LPP: variants seen among roughly 807,000 people sequenced by gnomAD.
LPP encodes the protein LIM domain containing preferred translocation partner in lipoma.
A neutral mutation model predicts 60.4 loss-of-function variants in LPP; 38 were observed. That is an observed-to-expected ratio of 0.63 (90% CI 0.49 to 0.83). The LOEUF is 0.83. Ranked by LOEUF, LPP falls within the 40% of genes least tolerant of loss-of-function variation. The pLI is 0.00. For synonymous variants in LPP, 328 were observed against 290.8 expected, an observed-to-expected ratio of 1.13 and a Z score of -1.30; for missense variants, 902 against 783.6, an observed-to-expected ratio of 1.15 and a Z score of -1.80.
At chr3:188,473,241 C>T (rs771420047) in intron 4 of LPP, among the ~76,000 whole-genome samples, 2 of 152,160 alleles carry the variant, frequency 1.3e-5, no homozygotes, top group African/African-American at 4.8e-5. Context: ...TCTTACATAA[C>T]CACGGTAGAG....
chr3:188,558,858 A>G (rs1830057340), intron 6 of LPP, among the ~76,000 whole-genome samples: 1 of 152,088 alleles, frequency 6.6e-6, no homozygotes, highest in Admixed American at 6.6e-5. Context: ...ATTTCTGCCT[A>G]CCAAGAAATG....
chr3:188,314,080 T>C (rs1329453106), intron 2 of LPP, among the ~76,000 whole-genome samples: 2 of 152,186 alleles, frequency 1.3e-5, no homozygotes, highest in African/African-American at 2.4e-5. Flanking sequence ...TATCCTTTCT[T>C]TCCAATTTTT....
chr3:188,616,052 T>C (rs1347776430), intron 7 of LPP, among the ~76,000 whole-genome samples: 1 of 152,186 alleles, frequency 6.6e-6, no homozygotes, highest in Non-Finnish European at 1.5e-5. Context: ...TTCACTCTGA[T>C]GATAGTTTCT....
intron 8 of LPP, chr3:188,725,325 C>A (rs963636404): frequency 6.6e-6 from 1 of 152,198 alleles, no homozygotes; most frequent in South Asian, 2.1e-4. Context: ...CAAGTGCGTG[C>A]AGCCCGTTCC....
intron 2 of LPP, among the ~76,000 whole-genome samples, chr3:188,249,248 A>G (rs938419273): frequency 1.4e-4 from 22 of 152,060 alleles, no homozygotes; most frequent in African/African-American, 5.1e-4. Flanking sequence ...AAATTTAAAC[A>G]TTAGCTGGCA....
At chr3:188,658,231 C>A (rs1349888333) in intron 7 of LPP, among the ~76,000 whole-genome samples, 1 of 150,382 alleles carries the variant, frequency 6.6e-6, no homozygotes, top group East Asian at 1.9e-4. Flanking sequence ...GCAACCTCTG[C>A]CTCCCAGGTT....
At chr3:188,358,695 T>C (rs1227636828) in intron 3 of LPP, among the ~76,000 whole-genome samples, 3 of 149,436 alleles carry the variant, frequency 2.0e-5, no homozygotes, top group East Asian at 2.0e-4. Flanking sequence ...AAGTGGGGAG[T>C]GGAGAGGGTT....
At chr3:188,288,580 G>GCA (rs71167088) in intron 2 of LPP, among the ~76,000 whole-genome samples, 11,961 of 150,388 alleles carry the variant, frequency 0.08, 744 homozygotes, top group African/African-American at 0.17. Context: ...ATGTACACGT[G>GCA]CACACACACA....
chr3:188,321,812 A>G (rs1229255947), intron 2 of LPP, among the ~76,000 whole-genome samples: 1 of 152,248 alleles, frequency 6.6e-6, no homozygotes, highest in Non-Finnish European at 1.5e-5. Context: ...GTTGAAAACC[A>G]AAATAACTTT....
chr3:188,754,429 T>A (rs1341317132), intron 8 of LPP, among the ~76,000 whole-genome samples: 1 of 152,180 alleles, frequency 6.6e-6, no homozygotes, highest in Non-Finnish European at 1.5e-5. Context: ...AGCCAACTCG[T>A]GGTTGAGCAG....
intron 9 of LPP, among the ~76,000 whole-genome samples, chr3:188,840,715 G>A (rs968492124): frequency 5.3e-5 from 8 of 152,022 alleles, no homozygotes; most frequent in African/African-American, 1.9e-4. Context: ...GCCCAGCCTG[G>A]TTTTGAACTC....
intron 1 of LPP, among the ~76,000 whole-genome samples, chr3:188,161,817 G>A (rs1001940036): frequency 9.9e-5 from 15 of 152,150 alleles, no homozygotes; most frequent in Admixed American, 1.3e-4. Flanking sequence ...TGAAACTTGC[G>A]CTTCATACTT....
chr3:188,869,205 G>A (rs187629682), intron 10 of LPP, among the ~76,000 whole-genome samples: 2 of 152,338 alleles, frequency 1.3e-5, no homozygotes, highest in African/African-American at 4.8e-5. Flanking sequence ...CAGCCTGGGA[G>A]TAGAGATTAC....
chr3:188,651,407 A>G (rs1852050165), intron 7 of LPP, among the ~76,000 whole-genome samples: 1 of 152,180 alleles, frequency 6.6e-6, no homozygotes. Flanking sequence ...AGAAACTTAA[A>G]CTATGTTTGA....
chr3:188,193,775 T>C (rs1405406709), intron 1 of LPP, among the ~76,000 whole-genome samples: 1 of 151,434 alleles, frequency 6.6e-6, no homozygotes, highest in Admixed American at 6.6e-5. Flanking sequence ...TAGGATAGAG[T>C]TTGGGTTAAA....
At chr3:188,677,566 CTG>C (rs930073357) in intron 7 of LPP, among the ~76,000 whole-genome samples, 9 of 152,262 alleles carry the variant, frequency 5.9e-5, no homozygotes, top group Admixed American at 4.6e-4. Context: ...TCTTTAAAAG[CTG>C]TTATTAAATC....
intron 6 of LPP, among the ~76,000 whole-genome samples, chr3:188,585,264 A>T (rs921865896): frequency 2.0e-5 from 3 of 152,238 alleles, no homozygotes; most frequent in African/African-American, 7.2e-5. Flanking sequence ...TTGTTTTTAT[A>T]AGAAGATTCA....
chr3:188,301,515 T>C (rs1749858469), intron 2 of LPP, among the ~76,000 whole-genome samples: 1 of 152,230 alleles, frequency 6.6e-6, no homozygotes, highest in African/African-American at 2.4e-5. Context: ...TGCCAGGACA[T>C]AGAATGAAGA....
chr3:188,411,959 C>CTG (rs1784985859), intron 4 of LPP, among the ~76,000 whole-genome samples: 1 of 89,390 alleles, frequency 1.1e-5, no homozygotes, highest in Non-Finnish European at 2.2e-5. Context: ...ATAACTCTCT[C>CTG]TCTCTCTTTC....
Sources: gnomAD v4.1 joint callset for allele counts (sites outside exome capture counted in the v4.1 genomes callset) on GRCh38, gnomAD v4.1.1 for gene constraint, MANE v1.5 for transcripts, NCBI Gene and HGNC (gene_info 2026-07-23, HGNC 2026-07-21) for gene names.